The following C10orf90 variants were observed in gnomAD, a reference collection of about 807,000 sequenced individuals.
The protein encoded by C10orf90 is chromosome 10 open reading frame 90.
C10orf90 carries 56 observed loss-of-function variants against 62.5 expected under a neutral mutation model. The ratio of observed to expected loss-of-function variants is 0.90; its 90% CI spans 0.72 to 1.12. The LOEUF is 1.12. C10orf90 is among the 50% of genes most tolerant of loss of function. C10orf90 has a pLI of 0.00. For missense variants in C10orf90, 970 were observed against 880.4 expected (o/e 1.10, Z -1.29); for synonymous variants, 386 against 340.4 (o/e 1.13, Z -1.47).
At chr10:126,607,436 A>G (rs1845336817) in intron 2 of C10orf90, among the ~76,000 whole-genome samples, 1 of 152,210 alleles carries the variant, frequency 6.6e-6, no homozygotes, top group South Asian at 2.1e-4. Context: ...CTCAGGCATG[A>G]GTATTTGGCA....
At chr10:126,443,222 C>T (rs1269548370) in intron 7 of C10orf90, among the ~76,000 whole-genome samples, 1 of 151,852 alleles carries the variant, frequency 6.6e-6, no homozygotes, top group East Asian at 1.9e-4. Context: ...ATAAAAGAAA[C>T]AAAAAGCTGG....
chr10:126,589,228 C>T (rs186121689), intron 2 of C10orf90, among the ~76,000 whole-genome samples: 4 of 152,224 alleles, frequency 2.6e-5, no homozygotes, highest in African/African-American at 9.6e-5. Flanking sequence ...AAACCTACAA[C>T]TGATTGGGGT....
intron 2 of C10orf90, among the ~76,000 whole-genome samples, chr10:126,577,521 CA>C (rs1844651899): frequency 6.6e-6 from 1 of 151,834 alleles, no homozygotes; most frequent in African/African-American, 2.4e-5. Context: ...TTGAAGTAGA[CA>C]AAACACAAAT....
chr10:126,659,683 A>C (rs1846469033), intron 1 of C10orf90, among the ~76,000 whole-genome samples: 2 of 152,258 alleles, frequency 1.3e-5, no homozygotes, highest in South Asian at 4.1e-4. Context: ...AACATTGATC[A>C]TACAAAGTGA....
intron 2 of C10orf90, among the ~76,000 whole-genome samples, chr10:126,612,135 A>T (rs986698848): frequency 6.6e-6 from 1 of 152,184 alleles, no homozygotes; most frequent in Non-Finnish European, 1.5e-5. Flanking sequence ...AGCCTGACCA[A>T]CATGGTGAAA....
intron 4 of C10orf90, among the ~76,000 whole-genome samples, chr10:126,503,140 G>A (rs955588236): frequency 1.3e-5 from 2 of 152,152 alleles, no homozygotes; most frequent in African/African-American, 4.8e-5. Flanking sequence ...CTTGCAGAAA[G>A]CAAAGTTGAA....
chr10:126,555,474 G>A (rs1180414380), intron 2 of C10orf90, among the ~76,000 whole-genome samples: 1 of 151,362 alleles, frequency 6.6e-6, no homozygotes, highest in Non-Finnish European at 1.5e-5. Context: ...ATGAGTTTGA[G>A]ACTAGCCTGG....
chr10:126,585,278 A>G (rs754750442), intron 2 of C10orf90, among the ~76,000 whole-genome samples: 4 of 150,842 alleles, frequency 2.7e-5, no homozygotes, highest in Non-Finnish European at 5.9e-5. Flanking sequence ...AGAAAGAAAA[A>G]GAAACAAAGA....
At chr10:126,608,086 T>C (rs188992358) in intron 2 of C10orf90, among the ~76,000 whole-genome samples, 1 of 152,144 alleles carries the variant, frequency 6.6e-6, no homozygotes, top group East Asian at 1.9e-4. Context: ...TTGCACAACA[T>C]TATGAACTTA....
At chr10:126,505,155 GGGCCACCAGGA>G in intron 3 of C10orf90, 70 bp from the exon 4 acceptor site, 2 of 1,481,380 alleles carry the variant, frequency 1.4e-6, no homozygotes, top group Non-Finnish European at 9.0e-7. Flanking sequence ...TCTCTTTCAA[GGGCCACCAGGA>G]TGCCAGAGCA....
chr10:126,614,820 A>G (rs1346864659), intron 2 of C10orf90, among the ~76,000 whole-genome samples: 1 of 152,184 alleles, frequency 6.6e-6, no homozygotes, highest in Non-Finnish European at 1.5e-5. Context: ...AACATGGGAG[A>G]TTATCTGTGA....
At chr10:126,566,271 C>T (rs538359841) in intron 2 of C10orf90, among the ~76,000 whole-genome samples, 20 of 152,270 alleles carry the variant, frequency 1.3e-4, no homozygotes, top group East Asian at 5.8e-4. Context: ...TAAGCCAACA[C>T]GTGATGTTAT....
chr10:126,667,592 A>T (rs1352632011), intron 1 of C10orf90, among the ~76,000 whole-genome samples: 1 of 152,162 alleles, frequency 6.6e-6, no homozygotes, highest in Non-Finnish European at 1.5e-5. Context: ...TCCACAATCA[A>T]TCAGGAGATG....
intron 5 of C10orf90, chr10:126,463,116 T>G (rs1250915304): frequency 1.3e-5 from 2 of 151,964 alleles, no homozygotes; most frequent in Non-Finnish European, 2.9e-5. Flanking sequence ...TTCCATGTCT[T>G]CTTGTGAGCA....
intron 2 of C10orf90, among the ~76,000 whole-genome samples, chr10:126,537,749 T>C (rs980393265): frequency 1.3e-5 from 2 of 152,220 alleles, no homozygotes; most frequent in Non-Finnish European, 2.9e-5. Flanking sequence ...CAACTTACTA[T>C]TGGAAATTTT....
chr10:126,586,547 C>T lies in C10orf90; in HGVS notation c.313+60018G>A, dbSNP rs376578180. Among the ~76,000 whole-genome samples the T allele has an allele frequency of 5.3e-5, 8 of 152,256 alleles. No individual in the cohort carries two copies. In the South Asian group the frequency reaches 1.2e-3, roughly 24 times the overall value. On this transcript the variant is annotated intron_variant, in intron 2 of 9. Transcript: ENST00000488181. ...TCAGTAATTGCTGGCCCGGCACCTT[C>T]GAAATGGCCATTTACATCCTTTTCT...
chr10:126,599,798 AAG>A (rs1180507493), intron 2 of C10orf90, among the ~76,000 whole-genome samples: 1 of 152,142 alleles, frequency 6.6e-6, no homozygotes, highest in Non-Finnish European at 1.5e-5. Flanking sequence ...AAAAAGAGGA[AAG>A]AGAGAATATA....
chr10:126,471,328 T>C (rs1860575895), intron 4 of C10orf90, among the ~76,000 whole-genome samples: 1 of 152,178 alleles, frequency 6.6e-6, no homozygotes, highest in Non-Finnish European at 1.5e-5. Flanking sequence ...AAACCAGACT[T>C]CCTACAAATG....
intron 2 of C10orf90, among the ~76,000 whole-genome samples, chr10:126,576,699 GT>G (rs1591114021): frequency 0.068 from 4,818 of 71,304 alleles, 941 homozygotes; most frequent in African/African-American, 0.13. Context: ...ACATGTATAT[GT>G]ATATGTATAT....
Sources: gnomAD v4.1 joint callset for allele counts (sites outside exome capture counted in the v4.1 genomes callset) on GRCh38, gnomAD v4.1.1 for gene constraint, MANE v1.5 for transcripts, NCBI Gene and HGNC (gene_info 2026-07-23, HGNC 2026-07-21) for gene names.